MARCHF1: variants seen among roughly 807,000 people sequenced by gnomAD.
MARCHF1 encodes membrane associated ring-CH-type finger 1.
A neutral mutation model predicts 54.2 loss-of-function variants in MARCHF1; 40 were observed. The observed-to-expected ratio is 0.74, with a 90% CI of 0.57 to 0.96. The LOEUF (loss-of-function observed/expected upper bound fraction) is 0.96. Among genes scored for constraint, MARCHF1 ranks in the 40% least tolerant of loss-of-function variants. The probability of loss-of-function intolerance (pLI) is 0.00; values close to 1 mark genes in which losing one functional copy is unlikely to be tolerated. For missense variants in MARCHF1, 586 were observed against 656.5 expected, an observed-to-expected ratio of 0.89 and a Z score of 1.17; for synonymous variants, 236 against 236.3, an observed-to-expected ratio of 1.00 and a Z score of 0.01.
intron 3 of MARCHF1, 71 bp from the exon 4 acceptor site, chr4:163,854,240 A>T (rs1378336291): frequency 3.1e-5 from 36 of 1,156,674 alleles, no homozygotes; most frequent in Non-Finnish European, 4.2e-5. Context: ...CATATAATCA[A>T]AATTAAATCA....
At chr4:163,674,108 T>C (rs1743824363) in intron 5 of MARCHF1, among the ~76,000 whole-genome samples, 1 of 152,186 alleles carries the variant, frequency 6.6e-6, no homozygotes, top group Non-Finnish European at 1.5e-5. Context: ...AGACAATCCT[T>C]ACTTTCCCTT....
At chr4:163,579,868 A>T (rs919443674) in intron 8 of MARCHF1, among the ~76,000 whole-genome samples, 4 of 152,114 alleles carry the variant, frequency 2.6e-5, no homozygotes, top group African/African-American at 4.8e-5. Flanking sequence ...AGACATCAAA[A>T]CTTCATTGCT....
At chr4:164,257,609 C>T (rs1372379025) in intron 1 of MARCHF1, among the ~76,000 whole-genome samples, 2 of 151,524 alleles carry the variant, frequency 1.3e-5, no homozygotes, top group African/African-American at 4.8e-5. Flanking sequence ...AAATATATAA[C>T]ATATGATATA....
intron 1 of MARCHF1, among the ~76,000 whole-genome samples, chr4:164,155,201 C>T (rs1730045420): frequency 1.3e-5 from 2 of 152,146 alleles, no homozygotes; most frequent in Non-Finnish European, 2.9e-5. Context: ...TTACTTGGGT[C>T]TGTGGGTATC....
intron 1 of MARCHF1, among the ~76,000 whole-genome samples, chr4:164,116,068 T>G (rs531778627): frequency 1.8e-4 from 27 of 152,226 alleles, no homozygotes; most frequent in Non-Finnish European, 3.2e-4. Context: ...TCATCAAACT[T>G]TAGATGATAT....
intron 3 of MARCHF1, among the ~76,000 whole-genome samples, chr4:163,865,005 A>G (rs1275879564): frequency 6.6e-6 from 1 of 151,930 alleles, no homozygotes; most frequent in Admixed American, 6.6e-5. Flanking sequence ...TCATTTTTCA[A>G]AAGTACTCAC....
intron 9 of MARCHF1, among the ~76,000 whole-genome samples, chr4:163,541,898 T>C (rs542992637): frequency 4.6e-5 from 7 of 152,328 alleles, no homozygotes; most frequent in Non-Finnish European, 7.4e-5. Flanking sequence ...CTCTTCAATG[T>C]GCACATTGGA....
At chr4:163,643,580 T>C (rs1465901483) in intron 5 of MARCHF1, among the ~76,000 whole-genome samples, 1 of 152,128 alleles carries the variant, frequency 6.6e-6, no homozygotes, top group Non-Finnish European at 1.5e-5. Flanking sequence ...CTCCTTATTG[T>C]TAAAAATGGG....
At chr4:163,795,510 G>A (rs556548574) in intron 4 of MARCHF1, among the ~76,000 whole-genome samples, 187 of 152,304 alleles carry the variant, frequency 1.2e-3, no homozygotes, top group African/African-American at 4.4e-3. Flanking sequence ...GATTACAGGC[G>A]TAAGCCACCA....
intron 2 of MARCHF1, among the ~76,000 whole-genome samples, chr4:163,997,853 A>G (rs1243476011): frequency 2.0e-5 from 3 of 151,566 alleles, no homozygotes; most frequent in East Asian, 1.9e-4. Flanking sequence ...GTAAGATATA[A>G]TGGTCTAGCT....
At chr4:164,256,559 T>TA (rs1165014783) in intron 1 of MARCHF1, among the ~76,000 whole-genome samples, 3 of 151,720 alleles carry the variant, frequency 2.0e-5, no homozygotes, top group African/African-American at 4.8e-5. Flanking sequence ...AGAATTTTTT[T>TA]AAAAAAAGAA....
intron 3 of MARCHF1, among the ~76,000 whole-genome samples, chr4:163,902,674 T>A (rs1189597746): frequency 6.6e-6 from 1 of 152,202 alleles, no homozygotes; most frequent in Non-Finnish European, 1.5e-5. Flanking sequence ...AGAAAGTAAC[T>A]GAAGCTTAGT....
intron 3 of MARCHF1, among the ~76,000 whole-genome samples, chr4:163,959,060 G>C (rs1304601503): frequency 6.6e-6 from 1 of 151,854 alleles, no homozygotes; most frequent in South Asian, 2.1e-4. Context: ...CAGAAATGTA[G>C]GTGAGGTTAT....
intron 1 of MARCHF1, among the ~76,000 whole-genome samples, chr4:164,241,119 A>G (rs1397498867): frequency 6.6e-6 from 1 of 152,084 alleles, no homozygotes; most frequent in Non-Finnish European, 1.5e-5. Context: ...AGACCCATGA[A>G]TCGTACCAAG....
rs71595261 is a variant in MARCHF1 at position 164,176,980 on chromosome 4, CTATATATATA to C, written c.-322-65328_-322-65319del. 3.3e-3 allele frequency among the ~76,000 whole-genome samples: 196 copies of C among 58,890 alleles called. 7 individuals carry two copies. Among genetic ancestry groups the C allele is most frequent in the Middle Eastern group, 0.031 (3 of 98 alleles). The allele number at this position is 58,890 out of a possible 152,430, so 38.6% of individuals were successfully genotyped here. On this transcript the variant is annotated intron_variant, in intron 1 of 9. Transcript: ENST00000514618. ...TCTCTCTCTCTCTCTCTCTCTCTCT[CTATATATATA>C]TATATATATATATATATATACAAAT...
chr4:163,789,780 T>C (rs981723479), intron 4 of MARCHF1, among the ~76,000 whole-genome samples: 1 of 152,082 alleles, frequency 6.6e-6, no homozygotes, highest in Non-Finnish European at 1.5e-5. Context: ...TTTTTTATTA[T>C]TTGTGAATAA....
intron 5 of MARCHF1, among the ~76,000 whole-genome samples, chr4:163,629,065 T>G (rs146691634): frequency 1.3e-5 from 2 of 152,200 alleles, no homozygotes; most frequent in African/African-American, 4.8e-5. Context: ...AAATTTCATA[T>G]GGAACCAAAA....
intron 4 of MARCHF1, among the ~76,000 whole-genome samples, chr4:163,764,876 T>C (rs1184452259): frequency 6.6e-6 from 1 of 152,120 alleles, no homozygotes; most frequent in East Asian, 1.9e-4. Flanking sequence ...ACCTTGAATA[T>C]TGTGACCAGT....
intron 3 of MARCHF1, among the ~76,000 whole-genome samples, chr4:163,944,272 G>T (rs1015498760): frequency 6.6e-6 from 1 of 151,796 alleles, no homozygotes; most frequent in South Asian, 2.1e-4. Flanking sequence ...GTGAGCCACC[G>T]CGCCTGGCCA....
Sources: allele counts gnomAD v4.1 joint callset (sites outside exome capture counted in the v4.1 genomes callset), GRCh38; gene constraint gnomAD v4.1.1; transcripts MANE v1.5; gene names NCBI Gene and HGNC (gene_info 2026-07-23, HGNC 2026-07-21).